Variants in MRTFB observed in about 807,000 individuals in gnomAD.
The protein encoded by MRTFB is myocardin related transcription factor B, also known as myocardin-related transcription factor B.
MRTFB carries 29 observed loss-of-function variants against 104.2 expected under a neutral mutation model. That is an observed-to-expected ratio of 0.28 (90% CI 0.21 to 0.38). MRTFB has a LOEUF of 0.38. Among genes scored for constraint, MRTFB ranks in the 10% least tolerant of loss-of-function variants. The probability of loss-of-function intolerance (pLI) is 1.00; values close to 1 mark genes in which losing one functional copy is unlikely to be tolerated. For missense variants in MRTFB, 1,270 were observed against 1,341.6 expected (o/e 0.95, Z 0.83); for synonymous variants, 535 against 519.5 (o/e 1.03, Z -0.41).
the MRTFB span, among the ~76,000 whole-genome samples, chr16:14,036,748 TG>T: frequency 6.6e-6 from 1 of 152,186 alleles, no homozygotes; most frequent in South Asian, 2.1e-4. Flanking sequence ...GAATCTGGCC[TG>T]GGGTAGGATC....
the MRTFB span, among the ~76,000 whole-genome samples, chr16:14,063,941 A>T: frequency 6.6e-6 from 1 of 152,228 alleles, no homozygotes. Flanking sequence ...GAACATACAC[A>T]TGCATGTGTT....
At chr16:14,085,813 A>G (rs1184873509) in intron 2 of MRTFB, among the ~76,000 whole-genome samples, 1 of 152,240 alleles carries the variant, frequency 6.6e-6, no homozygotes, top group African/African-American at 2.4e-5. Context: ...CTAAACATAG[A>G]CAATTATAGT....
At chr16:14,066,609 T>G (rs944934891), upstream of MRTFB, among the ~76,000 whole-genome samples, 1 of 151,900 alleles carries the variant, frequency 6.6e-6, no homozygotes, top group Non-Finnish European at 1.5e-5. Flanking sequence ...ACTTTTAAGC[T>G]CTGTTGGACT....
chr16:13,998,250 C>T, the MRTFB span, among the ~76,000 whole-genome samples: 1 of 152,248 alleles, frequency 6.6e-6, no homozygotes, highest in South Asian at 2.1e-4. Flanking sequence ...GACACTTCAA[C>T]CTGAACTTAT....
the MRTFB span, among the ~76,000 whole-genome samples, chr16:14,008,678 A>G: frequency 6.6e-6 from 1 of 152,180 alleles, no homozygotes; most frequent in Non-Finnish European, 1.5e-5. Flanking sequence ...TTGAATTTCC[A>G]TATGAATTTT....
At chr16:14,189,414 G>A (rs1033384122) in intron 3 of MRTFB, among the ~76,000 whole-genome samples, 3 of 152,164 alleles carry the variant, frequency 2.0e-5, no homozygotes, top group Non-Finnish European at 4.4e-5. Context: ...TGAATCCATG[G>A]AAGTTAATTG....
the MRTFB span, among the ~76,000 whole-genome samples, chr16:14,037,999 T>C: frequency 1.3e-5 from 2 of 152,228 alleles, no homozygotes; most frequent in African/African-American, 2.4e-5. Flanking sequence ...GGGTATGTTA[T>C]GGTATCTCCA....
chr16:14,035,663 T>C, the MRTFB span, among the ~76,000 whole-genome samples: 1 of 152,192 alleles, frequency 6.6e-6, no homozygotes, highest in Non-Finnish European at 1.5e-5. Context: ...GGCTCTGTCA[T>C]GATTTGCACA....
chr16:14,085,398 A>C (rs986199750), intron 2 of MRTFB, among the ~76,000 whole-genome samples: 1 of 145,088 alleles, frequency 6.9e-6, no homozygotes, highest in Admixed American at 7.0e-5. Flanking sequence ...TGGAGGTTGC[A>C]GTGAGCCGAG....
rs1341785426 is a variant in MRTFB, at chr16:14,240,456, T to C, written c.1051T>C (p.Tyr351His). 5.0e-6 allele frequency: 8 copies of C among 1,614,224 alleles called. No individual in the cohort carries two copies. Among genetic ancestry groups the C allele is most frequent in the Non-Finnish European group, 6.8e-6 (8 of 1,180,034 alleles). ...ILSQQKQHYN[Y>H]QTILPAPFKP... ...GAGTCAGCAGAAGCAGCACTACAAC[T>C]ACCAGACCATCCTGCCTGCACCATT... Residue 351 changes from tyrosine to histidine, a missense_variant, in exon 10 of 17, where the codon TAC becomes CAC. Physicochemically the swap from Tyr to His is moderately conservative, Grantham distance 83. Coordinates refer to ENST00000571589, the MANE Select transcript of MRTFB (RefSeq NM_001308142.2).
intron 10 of MRTFB, among the ~76,000 whole-genome samples, 153 bp from the exon 11 acceptor site, chr16:14,245,375 G>A (rs2042967580): frequency 6.6e-6 from 1 of 152,154 alleles, no homozygotes; most frequent in Non-Finnish European, 1.5e-5. Context: ...ATTTCATTGA[G>A]ATCTAATGTA....
chr16:14,221,219 T>C (rs1355372828), intron 8 of MRTFB, among the ~76,000 whole-genome samples: 1 of 152,258 alleles, frequency 6.6e-6, no homozygotes, highest in African/African-American at 2.4e-5. Context: ...AGTTTTGTTT[T>C]GGCAAATTTT....
chr16:14,030,874 G>A, the MRTFB span, among the ~76,000 whole-genome samples: 107 of 152,258 alleles, frequency 7.0e-4, no homozygotes, highest in African/African-American at 2.3e-3. Context: ...AAGACTTAGG[G>A]AACAGGAATC....
chr16:14,136,032 A>C (rs536052004), intron 2 of MRTFB, among the ~76,000 whole-genome samples: 1 of 152,268 alleles, frequency 6.6e-6, no homozygotes, highest in African/African-American at 2.4e-5. Context: ...GCACTTTGGG[A>C]GGCCGAAGCG....
intron 3 of MRTFB, among the ~76,000 whole-genome samples, chr16:14,148,959 T>C (rs1445946245): frequency 1.3e-5 from 2 of 152,250 alleles, no homozygotes; most frequent in Non-Finnish European, 2.9e-5. Flanking sequence ...ATTAGTCGTG[T>C]TGCTGTTTAA....
rs1168576086 is a variant in MRTFB at position 14,225,016 on chromosome 16, G to A, written c.693+6018G>A. Among the ~76,000 whole-genome samples, 4 of 152,180 alleles carry A rather than the reference G, an allele frequency of 2.6e-5. No homozygotes were observed. In the Middle Eastern group the frequency reaches 0.014, roughly 518 times the overall value. ...AGCCTGACCAACATGGAGAAACCCT[G>A]TCTCTACTAAAAATACAAAATTAGC... On this transcript the variant is annotated intron_variant, in intron 8 of 16. Coordinates refer to ENST00000571589, the MANE Select transcript of MRTFB (RefSeq NM_001308142.2).
At chr16:14,141,809 G>A (rs1007412943) in intron 3 of MRTFB, 2 of 150,712 alleles carry the variant, frequency 1.3e-5, no homozygotes, top group African/African-American at 2.4e-5. Flanking sequence ...GAATCTTGTT[G>A]CTAGGCACAG....
In MRTFB at chr16:14,148,144, TAA is replaced by T. The variant is rs2038415690; in HGVS notation, c.154+7385_154+7386del. ...TTCCTCAGAAAGCAATTATGAAAGA[TAA>T]TATACATAATATAAATGATCAGTTA... On this transcript the variant is annotated intron_variant, in intron 3 of 16. Transcript: ENST00000571589. Among the ~76,000 whole-genome samples the T allele has an allele frequency of 1.5e-4, 23 of 152,284 alleles. No individual in the cohort carries two copies. In the South Asian group the frequency reaches 4.8e-3, roughly 32 times the overall value.
Position 14,240,374 on chromosome 16 carries a change from C to T in MRTFB, c.969C>T (p.Asp323=), listed in dbSNP as rs746036657. The T allele has an allele frequency of 2.0e-5, 32 of 1,614,080 alleles. No homozygotes were observed. Among genetic ancestry groups the T allele is most frequent in the Middle Eastern group, 3.3e-4 (2 of 6,084 alleles). ...GTGAGAAGAATGAGCCGCAGATGGA[C>T]TCTAACTACGCCCGCCTGCTCCAGC... The part of the protein sequence containing the change: ...QKGEKNEPQM[D]SNYARLLQQQ... Residue 323 remains aspartate (D), a synonymous_variant, in exon 10 of 17, where the codon GAC becomes GAT. Coordinates refer to ENST00000571589, the MANE Select transcript of MRTFB (RefSeq NM_001308142.2).
Sources: gnomAD v4.1 joint callset for allele counts (sites outside exome capture counted in the v4.1 genomes callset) on GRCh38, gnomAD v4.1.1 for gene constraint, MANE v1.5 for transcripts, NCBI Gene and HGNC (gene_info 2026-07-23, HGNC 2026-07-21) for gene names.